LPAR1: variants seen among roughly 807,000 people sequenced by gnomAD.
LPAR1 encodes lysophosphatidic acid receptor 1, also known as LPA receptor 1.
A neutral mutation model predicts 23.8 loss-of-function variants in LPAR1; 5 were observed. The ratio of observed to expected loss-of-function variants is 0.21; its 90% confidence interval spans 0.11 to 0.44. The LOEUF (loss-of-function observed/expected upper bound fraction) is 0.44. LPAR1 is among the 20% of genes least tolerant of loss of function. LPAR1 has a pLI of 0.99. For missense variants in LPAR1, 311 were observed against 482.8 expected (o/e 0.64, Z 3.33); for synonymous variants, 160 against 164.7 (o/e 0.97, Z 0.22).
At chr9:110,879,442 GGAT>G (rs2080096700) in intron 5 of LPAR1, among the ~76,000 whole-genome samples, 1 of 112,146 alleles carries the variant, frequency 8.9e-6, no homozygotes, top group South Asian at 3.1e-4. Flanking sequence ...AAAAAAAAAA[GGAT>G]GAAGAAGTGT....
chr9:110,914,856 T>A (rs542745412), intron 5 of LPAR1, among the ~76,000 whole-genome samples: 1 of 152,186 alleles, frequency 6.6e-6, no homozygotes, highest in Non-Finnish European at 1.5e-5. Context: ...AAAATTAATG[T>A]TTTAGCTCTC....
At chr9:110,967,644 G>T (rs1564194217) in intron 4 of LPAR1, among the ~76,000 whole-genome samples, 1 of 152,176 alleles carries the variant, frequency 6.6e-6, no homozygotes, top group Admixed American at 6.5e-5. Context: ...ACCAGGCTAA[G>T]GTGACTGAGT....
intron 2 of LPAR1, among the ~76,000 whole-genome samples, chr9:111,016,409 A>G (rs57480763): frequency 1.3e-5 from 2 of 152,180 alleles, no homozygotes; most frequent in Non-Finnish European, 2.9e-5. Context: ...TTGAAACTTG[A>G]CCTGAACAAA....
chr9:111,009,061 C>A (rs184450345), intron 2 of LPAR1, among the ~76,000 whole-genome samples: 1 of 152,022 alleles, frequency 6.6e-6, no homozygotes, highest in East Asian at 1.9e-4. Flanking sequence ...CTGGGATTAT[C>A]CAATACAGAC....
chr9:110,924,503 T>TC (rs2093865496), intron 5 of LPAR1, among the ~76,000 whole-genome samples: 2 of 151,954 alleles, frequency 1.3e-5, no homozygotes, highest in South Asian at 4.2e-4. Context: ...GATTTTCTTT[T>TC]TTTTCCTTAA....
At chr9:111,019,832 G>C (rs922666835) in intron 2 of LPAR1, among the ~76,000 whole-genome samples, 2 of 152,146 alleles carry the variant, frequency 1.3e-5, no homozygotes, top group African/African-American at 4.8e-5. Context: ...GCGACAGAGT[G>C]AGACTCCGTC....
intron 2 of LPAR1, among the ~76,000 whole-genome samples, chr9:111,012,464 C>CGT (rs1491568209): frequency 1.9e-5 from 2 of 105,672 alleles, no homozygotes; most frequent in Non-Finnish European, 3.9e-5. Context: ...CATGTACGCA[C>CGT]GCGCGCACAC....
chr9:110,967,449 T>C (rs549897517), intron 4 of LPAR1, among the ~76,000 whole-genome samples: 5 of 152,204 alleles, frequency 3.3e-5, no homozygotes, highest in Non-Finnish European at 7.3e-5. Flanking sequence ...TAGGCAGCCT[T>C]GATTAGAAAA....
chr9:111,016,716 A>G (rs142474911), intron 2 of LPAR1, among the ~76,000 whole-genome samples: 1 of 152,226 alleles, frequency 6.6e-6, no homozygotes, highest in Non-Finnish European at 1.5e-5. Context: ...TTTTGCATGA[A>G]GTAATATTCA....
intron 2 of LPAR1, among the ~76,000 whole-genome samples, chr9:110,980,148 A>C (rs367913749): frequency 7.9e-5 from 12 of 152,290 alleles, no homozygotes; most frequent in African/African-American, 2.4e-4. Flanking sequence ...AAGGAGGTTC[A>C]GGATGGGAGT....
chr9:110,931,244 C>T (rs914567293), intron 5 of LPAR1, among the ~76,000 whole-genome samples: 5 of 152,112 alleles, frequency 3.3e-5, no homozygotes, highest in Non-Finnish European at 7.3e-5. Flanking sequence ...AGACATTGCC[C>T]GGTGAAATAC....
At chr9:110,937,190 T>C (rs2094768403) in intron 5 of LPAR1, among the ~76,000 whole-genome samples, 1 of 152,174 alleles carries the variant, frequency 6.6e-6, no homozygotes, top group Non-Finnish European at 1.5e-5. Context: ...TTAAAAGCTT[T>C]CTCTGCCCAG....
At position 110,906,437 on chromosome 9, in the gene LPAR1, A is replaced by C. The variant is rs73655669; in HGVS notation, c.794-30715T>G. ...AACTTCTGATTAAAGACATATAATC[A>C]TTAAGAGTATCATCTCCATAATTTT... On this transcript the variant is annotated intron_variant, in intron 5 of 5. Coordinates refer to ENST00000683809, the MANE Select transcript of LPAR1 (RefSeq NM_001351411.2). 7.0e-3 allele frequency among the ~76,000 whole-genome samples: 1,073 copies of C among 152,382 alleles called. 16 individuals carry two copies. Among genetic ancestry groups the C allele is most frequent in the African/African-American group, 0.024 (1,004 of 41,586 alleles).
chr9:110,997,484 T>C, intron 2 of LPAR1, among the ~76,000 whole-genome samples: 1 of 152,198 alleles, frequency 6.6e-6, no homozygotes, highest in Non-Finnish European at 1.5e-5. Flanking sequence ...GTATAAAATA[T>C]ACAAAAATAT....
intron 5 of LPAR1, among the ~76,000 whole-genome samples, chr9:110,921,004 C>T (rs1457253504): frequency 1.3e-5 from 2 of 151,780 alleles, no homozygotes; most frequent in South Asian, 2.1e-4. Flanking sequence ...GACGTTACGG[C>T]GCTTGACTAT....
At chr9:111,031,232 G>T (rs757016332) in intron 2 of LPAR1, among the ~76,000 whole-genome samples, 1 of 151,948 alleles carries the variant, frequency 6.6e-6, no homozygotes, top group African/African-American at 2.4e-5. Context: ...AAATACATTA[G>T]TGAAGCAAAG....
chr9:110,934,057 T>C (rs950431537), intron 5 of LPAR1, among the ~76,000 whole-genome samples: 4 of 152,212 alleles, frequency 2.6e-5, no homozygotes, highest in African/African-American at 9.6e-5. Context: ...AGCAGCCTAA[T>C]GGCTGGCCAA....
intron 2 of LPAR1, among the ~76,000 whole-genome samples, chr9:110,985,464 A>G (rs2139275678): frequency 6.6e-6 from 1 of 152,238 alleles, no homozygotes; most frequent in East Asian, 1.9e-4. Flanking sequence ...ATTCCAAGGA[A>G]GAAATACAAC....
At position 110,875,346 on chromosome 9, in the gene LPAR1, G is replaced by A; in HGVS notation, c.*75C>T. ...TTTCTCCTCTCTCACACCCCACCTT[G>A]CCCTGGCAATTGGGTAGGGGGAGGC... On this transcript the variant is annotated 3_prime_UTR_variant, in exon 6 of 6. Transcript: ENST00000683809. The A allele has an allele frequency of 7.6e-7, 1 of 1,313,444 alleles. No homozygotes were observed. The highest frequency in any genetic ancestry group is 1.0e-6 in the Non-Finnish European group (1 of 965,428). The allele number at this position is 1,313,444 out of a possible 1,614,324, so 81.4% of individuals were successfully genotyped here. A position where few individuals can be genotyped will look rare whatever the true frequency, so the allele number is the denominator to read the frequency against.
Sources: gnomAD v4.1 joint callset for allele counts (sites outside exome capture counted in the v4.1 genomes callset) on GRCh38, gnomAD v4.1.1 for gene constraint, MANE v1.5 for transcripts, NCBI Gene and HGNC (gene_info 2026-07-23, HGNC 2026-07-21) for gene names.